Variants in ERCC6L2 observed in about 807,000 individuals in gnomAD.
The protein encoded by ERCC6L2 is ERCC excision repair 6 like 2, also known as DNA excision repair protein ERCC-6-like 2.
A neutral mutation model predicts 132.0 loss-of-function variants in ERCC6L2; 77 were observed. That is an observed-to-expected ratio of 0.58 (90% CI 0.49 to 0.71). The LOEUF is 0.71. Among genes scored for constraint, ERCC6L2 ranks in the 30% least tolerant of loss-of-function variants. The probability of loss-of-function intolerance (pLI) is 0.00; values close to 1 mark genes in which losing one functional copy is unlikely to be tolerated. For missense variants in ERCC6L2, 1,542 were observed against 1,837.6 expected, an observed-to-expected ratio of 0.84 and a Z score of 2.94; for synonymous variants, 583 against 632.4, an observed-to-expected ratio of 0.92 and a Z score of 1.17.
chr9:96,011,250 T>C (rs1164952005), intron 18 of ERCC6L2, among the ~76,000 whole-genome samples: 1 of 152,248 alleles, frequency 6.6e-6, no homozygotes, highest in Non-Finnish European at 1.5e-5. Context: ...ACCATCTCCC[T>C]GTATCCTTAC....
intron 2 of ERCC6L2, among the ~76,000 whole-genome samples, chr9:95,887,069 ACTC>A (rs1012394366): frequency 2.0e-5 from 3 of 151,734 alleles, no homozygotes; most frequent in Non-Finnish European, 4.4e-5. Context: ...TACTTAATAA[ACTC>A]CTCATATATC....
At chr9:95,912,163 G>C (rs1829372119) in intron 4 of ERCC6L2, among the ~76,000 whole-genome samples, 1 of 152,084 alleles carries the variant, frequency 6.6e-6, no homozygotes, top group Non-Finnish European at 1.5e-5. Flanking sequence ...GAATTAGATT[G>C]CTTCTTGGCT....
Position 95,923,487 on chromosome 9 carries a change from G to T in ERCC6L2, c.1533+108G>T, listed in dbSNP as rs1829968699. Reference sequence around the variant, plus strand: ...AGAACAGGTGCTCAGTCATTCAGAAGAGATGGTGGCTATGGACAAGTGGTG... The same window carrying T: ...AGAACAGGTGCTCAGTCATTCAGAATAGATGGTGGCTATGGACAAGTGGTG... On this transcript the variant is annotated intron_variant, in intron 9 of 18. Coordinates refer to ENST00000653738, the MANE Select transcript of ERCC6L2 (RefSeq NM_020207.7). The T allele has an allele frequency of 1.8e-5, 23 of 1,292,428 alleles. No individual in the cohort carries two copies. The Middle Eastern group carries it at 9.8e-4, about 55-fold the overall frequency. 80.1% of individuals were successfully genotyped at this position (1,292,428 alleles called of 1,614,324 possible).
At chr9:95,951,837 A>G (rs1010072450) in intron 12 of ERCC6L2, among the ~76,000 whole-genome samples, 1 of 151,672 alleles carries the variant, frequency 6.6e-6, no homozygotes, top group African/African-American at 2.4e-5. Flanking sequence ...CCAGGACCTT[A>G]AGGCTTTGCT....
chr9:95,992,235 A>G (rs143874310), intron 17 of ERCC6L2, among the ~76,000 whole-genome samples: 138 of 152,270 alleles, frequency 9.1e-4, no homozygotes, highest in Admixed American at 3.5e-3. Flanking sequence ...TTAACATGTA[A>G]TGGGCTTTTG....
chr9:95,896,659 A>G (rs1037253017), intron 2 of ERCC6L2, among the ~76,000 whole-genome samples: 10 of 151,964 alleles, frequency 6.6e-5, no homozygotes, highest in African/African-American at 9.6e-5. Context: ...CCTGGGCTAA[A>G]ATGATCCTCC....
At chr9:95,941,056 C>G (rs1006939765) in intron 11 of ERCC6L2, among the ~76,000 whole-genome samples, 4 of 151,988 alleles carry the variant, frequency 2.6e-5, no homozygotes, top group Non-Finnish European at 5.9e-5. Flanking sequence ...TTTAGCTGCA[C>G]TTAGTGGAAG....
intron 4 of ERCC6L2, among the ~76,000 whole-genome samples, chr9:95,912,347 C>T (rs997014705): frequency 1.3e-5 from 2 of 151,990 alleles, no homozygotes; most frequent in Non-Finnish European, 2.9e-5. Flanking sequence ...GTTAAAATAA[C>T]AGTACATGAG....
At chr9:96,008,850 G>T (rs948086312) in intron 18 of ERCC6L2, among the ~76,000 whole-genome samples, 3 of 152,232 alleles carry the variant, frequency 2.0e-5, no homozygotes, top group Non-Finnish European at 4.4e-5. Flanking sequence ...CTCCTGGCTT[G>T]ACAGCTGAGA....
intron 3 of ERCC6L2, chr9:95,906,534 A>T: frequency 2.4e-6 from 1 of 416,778 alleles, no homozygotes; most frequent in Non-Finnish European, 4.7e-6. Context: ...TATTGATAGG[A>T]TACTGAGAGA....
chr9:95,935,054 T>C (rs573112486), intron 11 of ERCC6L2, among the ~76,000 whole-genome samples: 3 of 152,342 alleles, frequency 2.0e-5, no homozygotes, highest in Admixed American at 6.5e-5. Context: ...CAACTACTAA[T>C]ATCTTCATGG....
intron 8 of ERCC6L2, among the ~76,000 whole-genome samples, 153 bp downstream of exon 8, chr9:95,922,571 C>CAAAGTGAGTTTTA (rs1352533708): frequency 6.6e-6 from 1 of 152,096 alleles, no homozygotes; most frequent in Non-Finnish European, 1.5e-5. Flanking sequence ...AGTATGTGCA[C>CAAAGTGAGTTTTA]TTAAGTTTTT....
intron 2 of ERCC6L2, among the ~76,000 whole-genome samples, chr9:95,895,893 A>AT (rs1828432676): frequency 6.6e-6 from 1 of 151,890 alleles, no homozygotes; most frequent in Admixed American, 6.6e-5. Context: ...GGCCCGGCTA[A>AT]TTTTTTGTAT....
intron 19 of ERCC6L2, among the ~76,000 whole-genome samples, chr9:96,026,230 T>G (rs561979860): frequency 2.0e-5 from 3 of 151,872 alleles, no homozygotes; most frequent in African/African-American, 7.3e-5. Flanking sequence ...CCGTTGGGAG[T>G]CCGGGGGGTT....
intron 16 of ERCC6L2, among the ~76,000 whole-genome samples, chr9:95,974,984 T>A (rs911332574): frequency 1.3e-5 from 2 of 152,114 alleles, no homozygotes; most frequent in African/African-American, 4.8e-5. Flanking sequence ...TTACTTTTAA[T>A]GCCCCATGTT....
At chr9:95,947,973 G>A (rs192599662) in intron 12 of ERCC6L2, among the ~76,000 whole-genome samples, 8 of 152,328 alleles carry the variant, frequency 5.3e-5, no homozygotes, top group African/African-American at 1.9e-4. Flanking sequence ...GGAGATTAAT[G>A]TTGTTTATGC....
intron 12 of ERCC6L2, among the ~76,000 whole-genome samples, chr9:95,953,481 C>T (rs1370863950): frequency 2.0e-5 from 3 of 150,210 alleles, no homozygotes; most frequent in Admixed American, 6.7e-5. Flanking sequence ...GAGGCTGAGG[C>T]AGGAGAATGG....
chr9:95,876,014 G>A lies in ERCC6L2; in HGVS notation c.-25G>A, dbSNP rs761678165. The A allele has an allele frequency of 1.2e-5, 19 of 1,577,408 alleles. No individual in the cohort carries two copies. The South Asian group carries it at 2.1e-4, about 17-fold the overall frequency. ...CGCCTTCCGGGTGTTACATGCAGCC[G>A]GGCTCGGCCCCTCCCCCTGGCCGGA... On this transcript the variant is annotated 5_prime_UTR_variant, in exon 1 of 19. Coordinates refer to ENST00000653738, the MANE Select transcript of ERCC6L2 (RefSeq NM_020207.7).
At chr9:95,963,624 A>G (rs1832015790) in intron 13 of ERCC6L2, among the ~76,000 whole-genome samples, 1 of 151,566 alleles carries the variant, frequency 6.6e-6, no homozygotes, top group South Asian at 2.1e-4. Flanking sequence ...CAGTTTCCCC[A>G]CCTCTCTCTT....
Sources: gnomAD v4.1 joint callset for allele counts (sites outside exome capture counted in the v4.1 genomes callset) on GRCh38, gnomAD v4.1.1 for gene constraint, MANE v1.5 for transcripts, NCBI Gene and HGNC (gene_info 2026-07-23, HGNC 2026-07-21) for gene names.